GABRR3: variants seen among roughly 807,000 people sequenced by gnomAD.
The protein encoded by GABRR3 is gamma-aminobutyric acid receptor subunit rho-3.
Under a neutral mutation model 43.2 loss-of-function variants are expected in GABRR3, and 29 were observed. The ratio of observed to expected loss-of-function variants is 0.67; its 90% CI spans 0.50 to 0.92. The LOEUF is 0.92. Ranked by LOEUF, GABRR3 falls within the 40% of genes least tolerant of loss-of-function variation. The pLI is 0.00. For missense variants in GABRR3, 576 were observed against 572.3 expected (o/e 1.01, Z -0.07); for synonymous variants, 206 against 195.9 (o/e 1.05, Z -0.43).
intron 7 of GABRR3, among the ~76,000 whole-genome samples, chr3:98,002,190 A>G (rs1706656272): frequency 6.6e-6 from 1 of 152,178 alleles, no homozygotes; most frequent in South Asian, 2.1e-4. Flanking sequence ...GATTCAGAGT[A>G]TGTACTAGGT....
intron 8 of GABRR3, chr3:97,999,684 T>A (rs1311139241): frequency 6.6e-6 from 1 of 152,086 alleles, no homozygotes; most frequent in Non-Finnish European, 1.5e-5. Flanking sequence ...TGTGTGTAGT[T>A]GGTTTCATCC....
intron 5 of GABRR3, among the ~76,000 whole-genome samples, chr3:98,010,234 A>C (rs940806459): frequency 2.0e-5 from 3 of 152,326 alleles, no homozygotes; most frequent in Admixed American, 1.3e-4. Flanking sequence ...GAAAAGAGGC[A>C]CAGGGCAGAG....
In GABRR3 at chr3:98,011,939, GC is replaced by G. The variant is rs374946536; in HGVS notation, c.530+404del. The stretch of plus-strand genomic sequence containing the variant: ...TGGTGTTAGCTTGAATGATAGCCAT[GC>G]CTTCCCATGAAAAATGAAGGAGACA... On this transcript the variant is annotated intron_variant, in intron 5 of 9. Coordinates refer to ENST00000621172, the Ensembl canonical transcript of GABRR3. Among the ~76,000 whole-genome samples, 76 of 152,322 alleles carry G rather than the reference GC, an allele frequency of 5.0e-4. 2 individuals are homozygous for G. The South Asian group carries it at 0.016, about 31-fold the overall frequency.
exon 10 of GABRR3, chr3:97,986,935 A>T (rs1277704537): frequency 8.7e-6 from 14 of 1,611,476 alleles, no homozygotes; most frequent in Non-Finnish European, 1.1e-5. Flanking sequence ...GGTAACAACC[A>T]TCAAAGGCCA....
At chr3:98,009,791 T>A (rs941321769) in intron 5 of GABRR3, among the ~76,000 whole-genome samples, 2 of 152,174 alleles carry the variant, frequency 1.3e-5, no homozygotes, top group South Asian at 4.1e-4. Context: ...GCCCTTGAGT[T>A]AACCAGAGGA....
rs201757664 is a variant in GABRR3 at position 98,003,416 on chromosome 3, C to T, written c.755-1649G>A. ...CATAATTTTCTGAAGAACAGTTGTC[C>T]TTTTTTTTTTTTTTTGGTGGGGTGG... On this transcript the variant is annotated intron_variant, in intron 7 of 9. Coordinates refer to ENST00000621172, the Ensembl canonical transcript of GABRR3. Among the ~76,000 whole-genome samples, 23 of 133,482 alleles carry T rather than the reference C, an allele frequency of 1.7e-4. No homozygotes were observed. The East Asian group carries it at 1.9e-3, about 11-fold the overall frequency. 87.6% of individuals were successfully genotyped at this position (133,482 alleles called of 152,430 possible). A position where few individuals can be genotyped will look rare whatever the true frequency, so the allele number is the denominator to read the frequency against.
rs1229669811 is a variant in GABRR3 at position 98,025,593 on chromosome 3, TC to T, written c.211del (p.Asp71IlefsTer4). 1 of 1,611,546 alleles carries T rather than the reference TC, an allele frequency of 6.2e-7. No homozygotes were observed. The highest frequency in any genetic ancestry group is 8.5e-7 in the Non-Finnish European group (1 of 1,178,866). On this transcript the variant is annotated frameshift_variant, in exon 3 of 10. Coordinates refer to ENST00000621172, the Ensembl canonical transcript of GABRR3. LOFTEE classifies it high-confidence loss of function. ...TCCAAATCCAGGTCTCATTGCGAAA[TC>T]GTTGTCCTCTATATGGAGAAGTTGC...
intron 4 of GABRR3, among the ~76,000 whole-genome samples, chr3:98,012,974 G>A (rs563776958): frequency 6.6e-6 from 1 of 152,084 alleles, no homozygotes; most frequent in East Asian, 1.9e-4. Flanking sequence ...AACTGATTTT[G>A]TATTGATACT....
chr3:98,007,686 CT>C, intron 7 of GABRR3, 77 bp downstream of exon 7: 8 of 1,523,328 alleles, frequency 5.3e-6, no homozygotes, highest in Admixed American at 1.8e-5. Context: ...GGATTCCGGT[CT>C]TTTCGCATGT....
intron 4 of GABRR3, among the ~76,000 whole-genome samples, chr3:98,017,321 T>C (rs570677861): frequency 9.2e-5 from 14 of 152,328 alleles, no homozygotes; most frequent in African/African-American, 2.6e-4. Flanking sequence ...TGATTCGGAT[T>C]TCATATCGCA....
intron 6 of GABRR3, 84 bp downstream of exon 6, chr3:98,008,869 TTTG>T (rs1706755027): frequency 1.6e-6 from 1 of 609,450 alleles, no homozygotes; most frequent in African/African-American, 1.9e-5. Context: ...TTTTAAAATG[TTTG>T]TTAAGAGCAT....
In GABRR3 at chr3:98,027,621, G is replaced by A. The variant is rs373095947; in HGVS notation, c.126-1942C>T. On this transcript the variant is annotated intron_variant, in intron 2 of 9. Coordinates refer to ENST00000621172, the Ensembl canonical transcript of GABRR3. ...CACCTGCACCTGTTCTAACTTGAGG[G>A]CTCTTCAGGTGCACAATGAGATGTT... Among the ~76,000 whole-genome samples the A allele has an allele frequency of 7.2e-5, 11 of 152,298 alleles. No individual in the cohort carries two copies. The East Asian group carries it at 9.6e-4, about 13-fold the overall frequency.
At chr3:97,992,200 G>A (rs1364629708) in intron 9 of GABRR3, among the ~76,000 whole-genome samples, 1 of 152,062 alleles carries the variant, frequency 6.6e-6, no homozygotes, top group Non-Finnish European at 1.5e-5. Context: ...GGATACTGTG[G>A]GGGGAAGAAC....
At chr3:98,025,778 AATAC>A in intron 2 of GABRR3, 99 bp from the exon 3 acceptor site, 1 of 668,094 alleles carries the variant, frequency 1.5e-6, no homozygotes, top group Non-Finnish European at 2.5e-6. Flanking sequence ...CATGTTCTGA[AATAC>A]ATACATAAAA....
chr3:98,001,654 A>G, exon 8 of GABRR3: 3 of 1,613,334 alleles, frequency 1.9e-6, no homozygotes, highest in Non-Finnish European at 2.5e-6. Flanking sequence ...CGGTCAATCC[A>G]AAATGAAACC....
intron 7 of GABRR3, among the ~76,000 whole-genome samples, chr3:98,006,731 A>G (rs1706727730): frequency 1.3e-5 from 2 of 152,208 alleles, no homozygotes; most frequent in African/African-American, 4.8e-5. Context: ...TCGGCCTAAA[A>G]TAACCCAGAA....
intron 2 of GABRR3, among the ~76,000 whole-genome samples, chr3:98,029,270 C>T (rs1559782197): frequency 6.6e-6 from 1 of 152,202 alleles, no homozygotes; most frequent in East Asian, 1.9e-4. Flanking sequence ...TGAATTGGGG[C>T]CTCTTCCTTC....
intron 3 of GABRR3, among the ~76,000 whole-genome samples, chr3:98,024,625 C>G (rs1706990065): frequency 6.6e-6 from 1 of 152,152 alleles, no homozygotes; most frequent in Non-Finnish European, 1.5e-5. Context: ...AAGGCTGTAT[C>G]TGTTATACTG....
chr3:98,008,858 A>C, intron 6 of GABRR3, 98 bp downstream of exon 6: 1 of 503,772 alleles, frequency 2.0e-6, no homozygotes, highest in Non-Finnish European at 3.4e-6. Flanking sequence ...ATATATCAGT[A>C]TTTTAAAATG....
Sources: gnomAD v4.1 joint callset for allele counts (sites outside exome capture counted in the v4.1 genomes callset) on GRCh38, gnomAD v4.1.1 for gene constraint, MANE v1.5 for transcripts, NCBI Gene and HGNC (gene_info 2026-07-23, HGNC 2026-07-21) for gene names.